Variants in C19orf44 observed in about 807,000 individuals in gnomAD.
The protein encoded by C19orf44 is uncharacterized protein C19orf44.
A neutral mutation model predicts 50.7 loss-of-function variants in C19orf44; 43 were observed. That is an observed-to-expected ratio of 0.85 (90% confidence interval 0.66 to 1.09). The LOEUF (loss-of-function observed/expected upper bound fraction) is 1.09. Ranked by LOEUF, C19orf44 falls within the 50% of genes least tolerant of loss-of-function variation. The probability of loss-of-function intolerance (pLI) is 0.00; values close to 1 mark genes in which losing one functional copy is unlikely to be tolerated. For missense variants in C19orf44, 722 were observed against 836.2 expected (o/e 0.86, Z 1.68); for synonymous variants, 298 against 334.7 (o/e 0.89, Z 1.20).
At chr19:16,518,049 A>G (rs2085561962) in intron 8 of C19orf44, 2 of 152,300 alleles carry the variant, frequency 1.3e-5, no homozygotes, top group South Asian at 4.1e-4. Context: ...GTTGGGTTGA[A>G]AAGTTGGAAG....
intron 7 of C19orf44, among the ~76,000 whole-genome samples, chr19:16,516,287 A>C (rs560377385): frequency 2.6e-4 from 39 of 152,178 alleles, no homozygotes; most frequent in Non-Finnish European, 5.6e-4. Flanking sequence ...AAATACAAGA[A>C]AACTAGTTTA....
chr19:16,517,256 A>T lies in C19orf44; in HGVS notation c.1929A>T (p.Pro643=). The T allele has an allele frequency of 6.2e-7, 1 of 1,614,152 alleles. No homozygotes were observed. Among genetic ancestry groups the T allele is most frequent in the Non-Finnish European group, 8.5e-7 (1 of 1,180,018 alleles). The change falls in exon 8 of 9, where the codon CCA becomes CCT. Residue 643 remains proline (P), a synonymous_variant. Transcript: ENST00000221671. ...KEYIRCHRPA[P]LTMEDALEEV... is the part of the protein sequence containing the mutation. ...ACATTAGGTGCCACAGACCTGCCCC[A>T]CTGACCATGGAGGATGCCCTGGAGG...
chr19:16,517,213 T>C lies in C19orf44; in HGVS notation c.1903-17T>C. ...AGGTGACGATGGTGATGGCGTGGTC[T>C]GTTCTCTGCCTGACAGTACATTAGG... is the stretch of plus-strand genomic sequence containing the variant. On this transcript the variant is annotated splice_polypyrimidine_tract_variant and intron_variant, in intron 7 of 8. Transcript: ENST00000221671. The C allele has an allele frequency of 1.9e-6, 3 of 1,612,836 alleles. No individual in the cohort carries two copies. Among genetic ancestry groups the C allele is most frequent in the Non-Finnish European group, 2.5e-6 (3 of 1,179,044 alleles).
rs2085593465 is a variant in C19orf44, at chr19:16,519,967, CCA to C, written c.*41-126_*41-125del. 2 of 701,882 alleles carry C rather than the reference CCA, an allele frequency of 2.8e-6. No individual in the cohort carries two copies. The highest frequency in any genetic ancestry group is 2.7e-5 in the Admixed American group (1 of 37,418). 43.5% of individuals were successfully genotyped at this position (701,882 alleles called of 1,614,324 possible). ...CCAGATGGTGGTTAGAAAGCAGACC[CCA>C]GTTACTGCCTCAGGCTTCGCCAAGT... On this transcript the variant is annotated intron_variant, in intron 8 of 8. Transcript: ENST00000221671. The surrounding 1 kb of genome is among the most constrained non-coding windows in gnomAD (Gnocchi z 6.0).
chr19:16,516,311 G>A (rs573780739), intron 7 of C19orf44, among the ~76,000 whole-genome samples: 4 of 152,204 alleles, frequency 2.6e-5, no homozygotes, highest in South Asian at 2.1e-4. Flanking sequence ...TTAGCATAGT[G>A]GTGTGTGCCC....
rs1313097906 is a variant in C19orf44, at chr19:16,520,961, G to A, written c.*908G>A. 6.5e-7 allele frequency: 1 copy of A among 1,530,188 alleles called. No individual in the cohort carries two copies. The allele number at this position is 1,530,188 out of a possible 1,614,324, so 94.8% of individuals were successfully genotyped here. On this transcript the variant is annotated 3_prime_UTR_variant, in exon 9 of 9. Coordinates refer to ENST00000221671, the MANE Select transcript of C19orf44 (RefSeq NM_032207.4). This position sits in a 1 kb window ranked among gnomAD's most constrained non-coding sequence, Gnocchi z 4.0. ...GTGACCACGTGACACCCACCCACAA[G>A]GAAGTCGTGAAAAAGTCATCAGGAG...
intron 1 of C19orf44, among the ~76,000 whole-genome samples, chr19:16,500,259 C>T (rs1487192183): frequency 6.6e-6 from 1 of 151,928 alleles, no homozygotes; most frequent in Non-Finnish European, 1.5e-5. Flanking sequence ...TAAGTGAAAT[C>T]TGATTTTCTG....
In C19orf44 at chr19:16,517,241, C is replaced by T. The variant is rs2085545120; in HGVS notation, c.1914C>T (p.Cys638=). The change falls in exon 8 of 9, where the codon TGC becomes TGT. Residue 638 remains cysteine, a synonymous_variant. Coordinates refer to ENST00000221671, the MANE Select transcript of C19orf44 (RefSeq NM_032207.4). The part of the protein sequence containing the change: ...TLEEAKEYIR[C]HRPAPLTMED... ...TCTCTGCCTGACAGTACATTAGGTG[C>T]CACAGACCTGCCCCACTGACCATGG... is the stretch of plus-strand genomic sequence containing the variant. 3 of 1,614,070 alleles carry T rather than the reference C, an allele frequency of 1.9e-6. No homozygotes were observed. The highest frequency in any genetic ancestry group is 2.5e-6 in the Non-Finnish European group (3 of 1,179,984).
intron 7 of C19orf44, among the ~76,000 whole-genome samples, chr19:16,515,883 G>A (rs1048314779): frequency 7.9e-5 from 12 of 151,654 alleles, no homozygotes; most frequent in Non-Finnish European, 2.9e-5. Context: ...TGCAACCTCC[G>A]CCTCCTGGGT....
At chr19:16,499,496 C>T (rs1025099563) in intron 1 of C19orf44, 3 of 151,790 alleles carry the variant, frequency 2.0e-5, no homozygotes, top group Admixed American at 2.0e-4. Flanking sequence ...ACCGTGGTCT[C>T]GATCTCCTGA....
intron 1 of C19orf44, 64 bp downstream of exon 1, chr19:16,496,529 A>G (rs550303618): frequency 6.5e-4 from 199 of 306,746 alleles, no homozygotes; most frequent in African/African-American, 4.0e-3. Context: ...GGATACGGGG[A>G]AATGGGGCCT....
chr19:16,520,054 T>C lies in C19orf44; in HGVS notation c.*41-40T>C. 1 of 1,343,268 alleles carries C rather than the reference T, an allele frequency of 7.4e-7. No individual in the cohort carries two copies. The allele number at this position is 1,343,268 out of a possible 1,614,324, so 83.2% of individuals were successfully genotyped here. A position where few individuals can be genotyped will look rare whatever the true frequency, so the allele number is the denominator to read the frequency against. On this transcript the variant is annotated intron_variant, in intron 8 of 8. Transcript: ENST00000221671. This position sits in a 1 kb window ranked among gnomAD's most constrained non-coding sequence, Gnocchi z 4.0. ...CCCCGGGCTAATGCTGGCGGCCTCC[T>C]AACACAGTCTCCTAACCACCAATGT... is the stretch of plus-strand genomic sequence containing the variant.
At chr19:16,518,096 T>A (rs1454495171) in intron 8 of C19orf44, 3 of 152,112 alleles carry the variant, frequency 2.0e-5, no homozygotes, top group South Asian at 4.1e-4. Flanking sequence ...TTCAAAAATG[T>A]TTCTGTACAA....
chr19:16,520,959 A>G lies in C19orf44; in HGVS notation c.*906A>G. The G allele has an allele frequency of 6.5e-7, 1 of 1,532,400 alleles. No individual in the cohort carries two copies. The highest frequency in any genetic ancestry group is 9.0e-7 in the Non-Finnish European group (1 of 1,107,366). The allele number at this position is 1,532,400 out of a possible 1,614,324, so 94.9% of individuals were successfully genotyped here. ...GTGTGACCACGTGACACCCACCCAC[A>G]AGGAAGTCGTGAAAAAGTCATCAGG... is the stretch of plus-strand genomic sequence containing the variant. On this transcript the variant is annotated 3_prime_UTR_variant, in exon 9 of 9. Transcript: ENST00000221671. This position sits in a 1 kb window ranked among gnomAD's most constrained non-coding sequence, Gnocchi z 4.0.
intron 1 of C19orf44, among the ~76,000 whole-genome samples, chr19:16,497,640 C>T (rs1207812490): frequency 2.0e-5 from 3 of 152,132 alleles, no homozygotes; most frequent in African/African-American, 7.2e-5. Flanking sequence ...TGAGCCACTG[C>T]GCCCGGCTTG....
At chr19:16,517,117 C>A in intron 7 of C19orf44, 113 bp from the exon 8 acceptor site, 1 of 970,696 alleles carries the variant, frequency 1.0e-6, no homozygotes, top group Non-Finnish European at 1.6e-6. Flanking sequence ...ACTTCTGTCA[C>A]TGACAGGAGC....
intron 1 of C19orf44, 25 bp downstream of exon 1, chr19:16,496,490 A>C: frequency 3.0e-6 from 1 of 328,378 alleles, no homozygotes; most frequent in Non-Finnish European, 5.9e-6. Context: ...TGGGGAGGTG[A>C]CCTAGCTGGG....
At chr19:16,501,846 C>T (rs1037474940) in intron 2 of C19orf44, among the ~76,000 whole-genome samples, 2 of 151,754 alleles carry the variant, frequency 1.3e-5, no homozygotes, top group African/African-American at 4.8e-5. Flanking sequence ...CCGCCTCAGC[C>T]TCCCAAAGTG....
chr19:16,520,034 G>A lies in C19orf44; in HGVS notation c.*41-60G>A, dbSNP rs945485403. 33 of 1,102,046 alleles carry A rather than the reference G, an allele frequency of 3.0e-5. No individual in the cohort carries two copies. The East Asian group carries it at 7.8e-4, about 26-fold the overall frequency. 68.3% of individuals were successfully genotyped at this position (1,102,046 alleles called of 1,614,324 possible). On this transcript the variant is annotated intron_variant, in intron 8 of 8. Transcript: ENST00000221671. This position sits in a 1 kb window ranked among gnomAD's most constrained non-coding sequence, Gnocchi z 4.0. ...AGGGTGAGGGGTGCCACTGTCCCCGGGCTAATGCTGGCGGCCTCCTAACAC... is the reference window on the plus strand; with the variant it reads ...AGGGTGAGGGGTGCCACTGTCCCCGAGCTAATGCTGGCGGCCTCCTAACAC...
Sources: allele counts gnomAD v4.1 joint callset (sites outside exome capture counted in the v4.1 genomes callset), GRCh38; gene constraint gnomAD v4.1.1; non-coding constraint Gnocchi (gnomAD v3.1); transcripts MANE v1.5; gene names NCBI Gene and HGNC (gene_info 2026-07-23, HGNC 2026-07-21).